LMTK2: variants seen among roughly 807,000 people sequenced by gnomAD.
LMTK2 encodes the protein lemur tail kinase 2.
A neutral mutation model predicts 127.5 loss-of-function variants in LMTK2; 37 were observed. The observed-to-expected ratio is 0.29, with a 90% CI of 0.22 to 0.38. The LOEUF is 0.38. Among genes scored for constraint, LMTK2 ranks in the 10% least tolerant of loss-of-function variants. LMTK2 has a pLI of 1.00. For synonymous variants in LMTK2, 819 were observed against 810.1 expected (o/e 1.01, Z -0.19); for missense variants, 1,694 against 1,920.3 (o/e 0.88, Z 2.20).
chr7:98,197,123 G>T lies in LMTK2; in HGVS notation c.4107+2551G>T, dbSNP rs11972115. On this transcript the variant is annotated intron_variant, in intron 11 of 13. Transcript: ENST00000297293. ...TTGTTTCTTGGTTATATTACTATTT[G>T]TCAGTTCAGCAAATACTTAACCAGC... Among the ~76,000 whole-genome samples the T allele has an allele frequency of 4.7e-3, 717 of 152,348 alleles. 6 individuals carry two copies. The highest frequency in any genetic ancestry group is 0.017 in the African/African-American group (693 of 41,584).
intron 3 of LMTK2, among the ~76,000 whole-genome samples, chr7:98,146,638 C>T (rs967745378): frequency 2.6e-5 from 4 of 152,208 alleles, no homozygotes; most frequent in Non-Finnish European, 4.4e-5. Flanking sequence ...CACACAAACT[C>T]TGCTCCTGTA....
chr7:98,153,165 G>A (rs1366992677), intron 4 of LMTK2, among the ~76,000 whole-genome samples: 7 of 152,192 alleles, frequency 4.6e-5, no homozygotes, highest in Non-Finnish European at 1.0e-4. Flanking sequence ...GAGCAAGAGT[G>A]AAGGAGAGAG....
chr7:98,117,429 C>T (rs1796302721), intron 1 of LMTK2, among the ~76,000 whole-genome samples: 1 of 152,158 alleles, frequency 6.6e-6, no homozygotes, highest in South Asian at 2.1e-4. Context: ...TTATTTTATA[C>T]TTCGAGTTGA....
At chr7:98,201,764 C>T (rs942307983) in intron 11 of LMTK2, among the ~76,000 whole-genome samples, 1 of 152,116 alleles carries the variant, frequency 6.6e-6, no homozygotes. Flanking sequence ...CGTGCACCAC[C>T]ACGCCTAGCT....
At chr7:98,164,295 G>T (rs1797059347) in intron 6 of LMTK2, among the ~76,000 whole-genome samples, 1 of 152,188 alleles carries the variant, frequency 6.6e-6, no homozygotes. Flanking sequence ...TTTGATTAAG[G>T]ATCACTCACT....
intron 11 of LMTK2, among the ~76,000 whole-genome samples, chr7:98,198,623 T>C (rs922768051): frequency 3.3e-5 from 5 of 152,206 alleles, no homozygotes; most frequent in Admixed American, 2.6e-4. Flanking sequence ...CTGAAGTAGC[T>C]GGGACCACAG....
At chr7:98,199,337 A>ATT (rs1363595444) in intron 11 of LMTK2, among the ~76,000 whole-genome samples, 1 of 151,986 alleles carries the variant, frequency 6.6e-6, no homozygotes, top group Non-Finnish European at 1.5e-5. Context: ...AGATTTGTCT[A>ATT]TTTCTCTTTT....
chr7:98,146,598 T>G (rs538253619), intron 3 of LMTK2, among the ~76,000 whole-genome samples: 3 of 152,296 alleles, frequency 2.0e-5, no homozygotes, highest in Non-Finnish European at 4.4e-5. Context: ...TGATAACACT[T>G]TTGAATTGAT....
intron 1 of LMTK2, among the ~76,000 whole-genome samples, chr7:98,124,136 C>G (rs889782069): frequency 1.3e-5 from 2 of 152,132 alleles, no homozygotes; most frequent in African/African-American, 4.8e-5. Context: ...AAAGTCTGTT[C>G]CTCTTTCAGA....
At chr7:98,116,391 TGTGTGTGTGTGTGTGCATGTGC>T (rs1051489053) in intron 1 of LMTK2, among the ~76,000 whole-genome samples, 3 of 78,002 alleles carry the variant, frequency 3.8e-5, no homozygotes, top group African/African-American at 1.3e-4. Flanking sequence ...AGTGTGTGTC[TGTGTGTGTGTGTGTGCATGTGC>T]GTGTGTTTGT....
chr7:98,129,078 A>T (rs1796483624), intron 1 of LMTK2, among the ~76,000 whole-genome samples: 1 of 151,852 alleles, frequency 6.6e-6, no homozygotes, highest in Admixed American at 6.6e-5. Flanking sequence ...ACGTAAGTTT[A>T]TTATTATTAT....
chr7:98,173,871 A>G (rs184704466), intron 7 of LMTK2, among the ~76,000 whole-genome samples: 1 of 152,300 alleles, frequency 6.6e-6, no homozygotes, highest in East Asian at 1.9e-4. Flanking sequence ...CCTGGCTAAC[A>G]CGGTGAAACC....
intron 6 of LMTK2, among the ~76,000 whole-genome samples, chr7:98,168,373 C>G (rs546052266): frequency 6.6e-6 from 1 of 152,332 alleles, no homozygotes; most frequent in Admixed American, 6.5e-5. Context: ...CAGAGAGCTG[C>G]TGGGAGGGAA....
chr7:98,171,976 C>T lies in LMTK2; in HGVS notation c.791+302C>T, dbSNP rs553159600. Among the ~76,000 whole-genome samples the T allele has an allele frequency of 1.1e-4, 16 of 152,326 alleles. No homozygotes were observed. Among genetic ancestry groups the T allele is most frequent in the South Asian group, 8.3e-4 (4 of 4,828 alleles). On this transcript the variant is annotated intron_variant, in intron 7 of 13. Coordinates refer to ENST00000297293, the MANE Select transcript of LMTK2 (RefSeq NM_014916.4). This position sits in a 1 kb window ranked among gnomAD's most constrained non-coding sequence, Gnocchi z 5.1. Reference sequence around the variant, plus strand: ...AGTCCCGATCCACCGTATGACACCTCGCGTGTTTCATCCTTGCCACACCAG... The same window carrying T: ...AGTCCCGATCCACCGTATGACACCTTGCGTGTTTCATCCTTGCCACACCAG...
rs1216724238 is a variant in LMTK2 at position 98,194,902 on chromosome 7, C to T, written c.4107+330C>T. Among the ~76,000 whole-genome samples, 1 of 152,114 alleles carries T rather than the reference C, an allele frequency of 6.6e-6. No homozygotes were observed. Among genetic ancestry groups the T allele is most frequent in the African/African-American group, 2.4e-5 (1 of 41,424 alleles). Reference sequence around the variant, plus strand: ...TTTTGAGACAGCCTTGCTCTGTGGCCCAGGCTGGAATGCAGTGGTACAGTT... The same window carrying T: ...TTTTGAGACAGCCTTGCTCTGTGGCTCAGGCTGGAATGCAGTGGTACAGTT... On this transcript the variant is annotated intron_variant, in intron 11 of 13. Coordinates refer to ENST00000297293, the MANE Select transcript of LMTK2 (RefSeq NM_014916.4). This position sits in a 1 kb window ranked among gnomAD's most constrained non-coding sequence, Gnocchi z 5.4.
At chr7:98,144,466 A>G (rs1035564034) in intron 3 of LMTK2, among the ~76,000 whole-genome samples, 1 of 151,530 alleles carries the variant, frequency 6.6e-6, no homozygotes, top group East Asian at 1.9e-4. Context: ...ATATATATAT[A>G]TTGAAAAGTC....
chr7:98,157,819 G>A (rs1458754448), intron 5 of LMTK2, among the ~76,000 whole-genome samples: 1 of 152,230 alleles, frequency 6.6e-6, no homozygotes, highest in Non-Finnish European at 1.5e-5. Flanking sequence ...GTGGTTGCCA[G>A]GGGTACACAT....
At chr7:98,115,887 TTTTG>T (rs1368595263) in intron 1 of LMTK2, among the ~76,000 whole-genome samples, 9 of 152,140 alleles carry the variant, frequency 5.9e-5, no homozygotes, top group Non-Finnish European at 1.0e-4. Flanking sequence ...ATCATTGGTT[TTTTG>T]TTTGTTTGTT....
chr7:98,201,572 C>T (rs1431078665), intron 11 of LMTK2, among the ~76,000 whole-genome samples: 2 of 151,786 alleles, frequency 1.3e-5, no homozygotes, highest in Non-Finnish European at 1.5e-5. Context: ...GATTATGGTG[C>T]ATCTGAGGGT....
Sources: allele counts gnomAD v4.1 joint callset (sites outside exome capture counted in the v4.1 genomes callset), GRCh38; gene constraint gnomAD v4.1.1; non-coding constraint Gnocchi (gnomAD v3.1); transcripts MANE v1.5; gene names NCBI Gene and HGNC (gene_info 2026-07-23, HGNC 2026-07-21).